The following CHN2 variants were observed in gnomAD, a reference collection of about 807,000 sequenced individuals.
CHN2 encodes chimerin 2.
CHN2 carries 35 observed loss-of-function variants against 56.3 expected under a neutral mutation model. The ratio of observed to expected loss-of-function variants is 0.62; its 90% CI spans 0.47 to 0.82. The LOEUF is 0.82. Among genes scored for constraint, CHN2 ranks in the 40% least tolerant of loss-of-function variants. The probability of loss-of-function intolerance (pLI) is 0.00; values close to 1 mark genes in which losing one functional copy is unlikely to be tolerated. For missense variants in CHN2, 491 were observed against 580.5 expected (o/e 0.85, Z 1.58); for synonymous variants, 210 against 212.8 (o/e 0.99, Z 0.12).
chr7:29,435,948 T>C (rs10229219), intron 6 of CHN2, among the ~76,000 whole-genome samples: 8,221 of 149,036 alleles, frequency 0.055, 390 homozygotes, highest in East Asian at 0.27. Context: ...GGGTGAAAGT[T>C]GGATTCTAGG....
rs138740615 is a variant in CHN2, at chr7:29,465,777, G to A, written c.577-14502G>A. Reference sequence around the variant, plus strand: ...CTTCTTACACAACTCTTCAGGAGATGGCTGGAAACCTTCCATTATTGATAA... The same window carrying A: ...CTTCTTACACAACTCTTCAGGAGATAGCTGGAAACCTTCCATTATTGATAA... On this transcript the variant is annotated intron_variant, in intron 6 of 12. Coordinates refer to ENST00000222792, the MANE Select transcript of CHN2 (RefSeq NM_004067.4). Among the ~76,000 whole-genome samples the A allele has an allele frequency of 6.5e-3, 995 of 152,286 alleles. 6 individuals are homozygous for A. The highest frequency in any genetic ancestry group is 0.021 in the Middle Eastern group (6 of 292).
chr7:29,354,972 A>T (rs866309926), intron 2 of CHN2, among the ~76,000 whole-genome samples: 1 of 135,316 alleles, frequency 7.4e-6, no homozygotes, highest in African/African-American at 2.5e-5. Flanking sequence ...TTATTTATTT[A>T]TTTTTTATTT....
intron 2 of CHN2, among the ~76,000 whole-genome samples, chr7:29,178,172 A>T (rs1046739666): frequency 2.0e-5 from 3 of 152,172 alleles, no homozygotes; most frequent in African/African-American, 7.2e-5. Context: ...CCACTGGAAT[A>T]GTCACATAGC....
At chr7:29,295,314 A>AACAC (rs58693628) in intron 1 of CHN2, among the ~76,000 whole-genome samples, 2,385 of 145,048 alleles carry the variant, frequency 0.016, 43 homozygotes, top group African/African-American at 0.045. Context: ...TTTAGCTGTG[A>AACAC]ACACACACAC....
chr7:29,238,173 A>G (rs1787352192), intron 1 of CHN2, among the ~76,000 whole-genome samples: 1 of 151,444 alleles, frequency 6.6e-6, no homozygotes, highest in Non-Finnish European at 1.5e-5. Context: ...GTGTGCCACC[A>G]CGCCCGGCTA....
At chr7:29,162,451 C>T (rs1050909415) in intron 2 of CHN2, among the ~76,000 whole-genome samples, 1 of 152,100 alleles carries the variant, frequency 6.6e-6, no homozygotes, top group Non-Finnish European at 1.5e-5. Flanking sequence ...CACCTGAGGT[C>T]GGGAGTTCAA....
rs200368407 is a variant in CHN2 at position 29,509,287 on chromosome 7, C to G, written c.1130-14C>G. ...ACACTCTGAACTAATACCCATCATG[C>G]GTGAACTTCACAGAAATCTCCAATG... On this transcript the variant is annotated splice_polypyrimidine_tract_variant and intron_variant, in intron 11 of 12. Coordinates refer to ENST00000222792, the MANE Select transcript of CHN2 (RefSeq NM_004067.4). 1.9e-6 allele frequency: 3 copies of G among 1,597,656 alleles called. No individual in the cohort carries two copies. The highest frequency in any genetic ancestry group is 3.3e-5 in the Admixed American group (2 of 59,942).
intron 1 of CHN2, among the ~76,000 whole-genome samples, chr7:29,223,748 C>G (rs1785980159): frequency 6.6e-6 from 1 of 152,122 alleles, no homozygotes; most frequent in African/African-American, 2.4e-5. Flanking sequence ...TATATATGCA[C>G]ATATGCACAG....
At chr7:29,318,826 TAACAATAGAG>T (rs1291166617) in intron 1 of CHN2, among the ~76,000 whole-genome samples, 1 of 152,200 alleles carries the variant, frequency 6.6e-6, no homozygotes, top group Non-Finnish European at 1.5e-5. Flanking sequence ...AGTTTGGGCC[TAACAATAGAG>T]AAGAATCTCA....
intron 5 of CHN2, 129 bp from the exon 6 acceptor site, chr7:29,400,414 A>G: frequency 1.1e-6 from 1 of 904,770 alleles, no homozygotes; most frequent in Non-Finnish European, 1.7e-6. Context: ...GGGAAAAAAA[A>G]TCACATCAAG....
At chr7:29,473,502 G>A (rs1164205286) in intron 6 of CHN2, among the ~76,000 whole-genome samples, 1 of 141,910 alleles carries the variant, frequency 7.0e-6, no homozygotes, top group Non-Finnish European at 1.5e-5. Context: ...GTGTGTGTGT[G>A]TGTGTTCTAA....
intron 6 of CHN2, among the ~76,000 whole-genome samples, chr7:29,412,415 T>A (rs1803326258): frequency 7.3e-6 from 1 of 136,540 alleles, no homozygotes; most frequent in South Asian, 2.5e-4. Flanking sequence ...GACTGCAACC[T>A]TCATCTCCCG....
intron 1 of CHN2, among the ~76,000 whole-genome samples, chr7:29,351,584 A>T (rs1797891329): frequency 6.6e-6 from 1 of 152,228 alleles, no homozygotes; most frequent in Non-Finnish European, 1.5e-5. Flanking sequence ...GAGTGATGAC[A>T]TCAAGCTGAG....
intron 1 of CHN2, among the ~76,000 whole-genome samples, chr7:29,346,006 C>T (rs1202204230): frequency 6.6e-6 from 1 of 152,088 alleles, no homozygotes; most frequent in Non-Finnish European, 1.5e-5. Flanking sequence ...TGACAGCAGG[C>T]CTTCATCCCT....
intron 6 of CHN2, among the ~76,000 whole-genome samples, chr7:29,442,667 T>C (rs1783727672): frequency 6.6e-6 from 1 of 152,146 alleles, no homozygotes; most frequent in African/African-American, 2.4e-5. Flanking sequence ...ACTATTTCAT[T>C]TTCCCACATG....
At chr7:29,407,038 G>A (rs114042345) in intron 6 of CHN2, among the ~76,000 whole-genome samples, 48 of 152,224 alleles carry the variant, frequency 3.2e-4, no homozygotes, top group African/African-American at 1.1e-3. Context: ...CTCCCGCACC[G>A]TCTCTCAGCA....
At chr7:29,408,891 G>A (rs974198770) in intron 6 of CHN2, among the ~76,000 whole-genome samples, 3 of 152,110 alleles carry the variant, frequency 2.0e-5, no homozygotes, top group Non-Finnish European at 4.4e-5. Context: ...ATCTCTCTAG[G>A]AAACAGCTAA....
In CHN2 at chr7:29,188,057, CA is replaced by C. The variant is rs939459591; in HGVS notation, c.274+41098del. On this transcript the variant is annotated intron_variant, in intron 2 of 6. Coordinates refer to the CHN2 transcript ENST00000439384. ...ATATACTCGCATAGAGGTGATGTAACAGGGGGGTGGTAGGGAGAGATGAAAA... is the reference window on the plus strand; with the variant it reads ...ATATACTCGCATAGAGGTGATGTAACGGGGGGTGGTAGGGAGAGATGAAAA... Among the ~76,000 whole-genome samples, 8 of 152,116 alleles carry C rather than the reference CA, an allele frequency of 5.3e-5. 1 individual carries two copies. Among genetic ancestry groups the C allele is most frequent in the African/African-American group, 1.9e-4 (8 of 41,422 alleles).
intron 1 of CHN2, among the ~76,000 whole-genome samples, chr7:29,314,855 A>G (rs896370317): frequency 6.6e-6 from 1 of 151,252 alleles, no homozygotes; most frequent in East Asian, 1.9e-4. Flanking sequence ...TTTATGTTTA[A>G]TTATATATTT....
Sources: allele counts gnomAD v4.1 joint callset (sites outside exome capture counted in the v4.1 genomes callset), GRCh38; gene constraint gnomAD v4.1.1; transcripts MANE v1.5; gene names NCBI Gene and HGNC (gene_info 2026-07-23, HGNC 2026-07-21).